NDRG4: variants seen among roughly 807,000 people sequenced by gnomAD.
NDRG4 encodes the protein NDRG family member 4, also known as protein NDRG4.
In NDRG4, 38 loss-of-function variants were observed where a neutral mutation model predicts 55.8. The ratio of observed to expected loss-of-function variants is 0.68; its 90% CI spans 0.53 to 0.89. NDRG4 has a LOEUF of 0.89. NDRG4 is among the 40% of genes least tolerant of loss of function. NDRG4 has a pLI of 0.00. For synonymous variants in NDRG4, 190 were observed against 182.7 expected, an observed-to-expected ratio of 1.04 and a Z score of -0.32; for missense variants, 455 against 468.6, an observed-to-expected ratio of 0.97 and a Z score of 0.27.
chr16:58,508,911 G>A, intron 10 of NDRG4, 51 bp from the exon 11 acceptor site: 1 of 1,601,114 alleles, frequency 6.2e-7, no homozygotes, highest in Admixed American at 1.7e-5. Context: ...CCTTGGCAAT[G>A]GGGGTGGGGA....
At chr16:58,496,422 GTTT>G (rs1394760491), upstream of NDRG4, among the ~76,000 whole-genome samples, 1 of 151,964 alleles carries the variant, frequency 6.6e-6, no homozygotes, top group Non-Finnish European at 1.5e-5. Flanking sequence ...CATTTTTTTC[GTTT>G]TTTGTTTTAG....
At position 58,513,222 on chromosome 16, in the gene NDRG4, G is replaced by A. The variant is rs2038988197; in HGVS notation, c.*1646G>A. Reference sequence around the variant, plus strand: ...TACATCGGGTCCTCCCATGTGTGGTGTTCTTCTGGAGGTTGTCTCTTTGGT... The same window carrying A: ...TACATCGGGTCCTCCCATGTGTGGTATTCTTCTGGAGGTTGTCTCTTTGGT... On this transcript the variant is annotated 3_prime_UTR_variant, in exon 15 of 15. Transcript: ENST00000570248. 6.6e-6 allele frequency: 1 copy of A among 151,534 alleles called. No individual in the cohort carries two copies. The highest frequency in any genetic ancestry group is 1.5e-5 in the Non-Finnish European group (1 of 67,982). 9.4% of individuals were successfully genotyped at this position (151,534 alleles called of 1,614,324 possible).
At position 58,464,463 on chromosome 16, in the gene NDRG4, C is replaced by A; in HGVS notation, c.-24+666C>A. On this transcript the variant is annotated intron_variant, in intron 1 of 15. Coordinates refer to the NDRG4 transcript ENST00000258187. The surrounding 1 kb of genome is among the most constrained non-coding windows in gnomAD (Gnocchi z 4.8). Reference sequence around the variant, plus strand: ...TGCTGGGACACCGGCTGGAGCTGCTCACAGGTACCGCCCGCCTGCCCCGCA... The same window carrying A: ...TGCTGGGACACCGGCTGGAGCTGCTAACAGGTACCGCCCGCCTGCCCCGCA... The A allele has an allele frequency of 7.5e-7, 1 of 1,334,864 alleles. No homozygotes were observed. The highest frequency in any genetic ancestry group is 9.6e-7 in the Non-Finnish European group (1 of 1,042,590). 82.7% of individuals were successfully genotyped at this position (1,334,864 alleles called of 1,614,324 possible).
At chr16:58,478,944 G>C (rs1223955110) in intron 1 of NDRG4, among the ~76,000 whole-genome samples, 1 of 151,928 alleles carries the variant, frequency 6.6e-6, no homozygotes, top group African/African-American at 2.4e-5. Flanking sequence ...CATTGTTACA[G>C]TTTACCCTGA....
chr16:58,487,692 C>T (rs1388306365), intron 1 of NDRG4: 2 of 1,331,452 alleles, frequency 1.5e-6, no homozygotes, highest in East Asian at 2.6e-5. Flanking sequence ...CCCCGACTTG[C>T]GCTGTCCTTC....
chr16:58,486,688 A>C (rs2035116339), intron 1 of NDRG4, among the ~76,000 whole-genome samples: 1 of 139,510 alleles, frequency 7.2e-6, no homozygotes, highest in African/African-American at 2.7e-5. Context: ...TCCTTCCCTC[A>C]CCACTGGCTC....
At chr16:58,469,205 G>A (rs986573417) in intron 1 of NDRG4, among the ~76,000 whole-genome samples, 1 of 152,192 alleles carries the variant, frequency 6.6e-6, no homozygotes, top group East Asian at 1.9e-4. Flanking sequence ...TGAGGCATAG[G>A]TTTGCCCTAG....
intron 8 of NDRG4, 67 bp downstream of exon 8, chr16:58,507,082 T>C: frequency 8.0e-7 from 1 of 1,247,496 alleles, no homozygotes; most frequent in South Asian, 1.3e-5. Context: ...CACTGCCCCC[T>C]GAGGGAGGCA....
intron 2 of NDRG4, among the ~76,000 whole-genome samples, chr16:58,491,923 A>C (rs1466828107): frequency 6.6e-6 from 1 of 152,168 alleles, no homozygotes; most frequent in Non-Finnish European, 1.5e-5. Flanking sequence ...CTGGGACTAC[A>C]GGCATGCACC....
At chr16:58,471,351 A>G (rs1391925136) in intron 1 of NDRG4, among the ~76,000 whole-genome samples, 1 of 151,978 alleles carries the variant, frequency 6.6e-6, no homozygotes, top group Non-Finnish European at 1.5e-5. Context: ...GTGTGTGCAG[A>G]TCACACTCAG....
At chr16:58,478,371 AATAT>A in intron 1 of NDRG4, among the ~76,000 whole-genome samples, 1 of 146,930 alleles carries the variant, frequency 6.8e-6, no homozygotes, top group South Asian at 2.3e-4. Context: ...CCTGGGCGAC[AATAT>A]GAGACTCCAT....
chr16:58,499,884 G>T (rs898529981), upstream of NDRG4: 8 of 414,298 alleles, frequency 1.9e-5, no homozygotes, highest in African/African-American at 1.6e-4. Flanking sequence ...AGCTGTTGGC[G>T]TGTGCCTATG....
intron 2 of NDRG4, among the ~76,000 whole-genome samples, chr16:58,493,773 A>G (rs756645865): frequency 6.6e-6 from 1 of 152,232 alleles, no homozygotes; most frequent in African/African-American, 2.4e-5. Context: ...AAGGCAAGGC[A>G]GAACCTGTGA....
intron 1 of NDRG4, among the ~76,000 whole-genome samples, chr16:58,478,892 C>T (rs2034069092): frequency 6.6e-6 from 1 of 151,864 alleles, no homozygotes; most frequent in Non-Finnish European, 1.5e-5. Context: ...AAGAATCTCC[C>T]TTTTATACCC....
At chr16:58,487,814 G>A in exon 2 of NDRG4, 1 of 1,543,844 alleles carries the variant, frequency 6.5e-7, no homozygotes, top group Non-Finnish European at 8.7e-7. Flanking sequence ...TCCCTGAGGA[G>A]AAGCCGCTGC....
intron 5 of NDRG4, among the ~76,000 whole-genome samples, chr16:58,505,713 CTTTTTTTTTTTT>C (rs1028370131): frequency 5.1e-5 from 3 of 58,660 alleles, no homozygotes; most frequent in Non-Finnish European, 6.2e-5. Context: ...GCTTCATTTT[CTTTTTTTTTTTT>C]TTTTTTTTTT....
downstream of NDRG4, among the ~76,000 whole-genome samples, chr16:58,514,525 TC>T (rs1290982906): frequency 6.6e-6 from 1 of 151,764 alleles, no homozygotes; most frequent in African/African-American, 2.4e-5. Context: ...TTGCCTGAGC[TC>T]AGGAGTTCGA....
intron 1 of NDRG4, among the ~76,000 whole-genome samples, chr16:58,484,162 G>C (rs921645535): frequency 5.9e-5 from 9 of 152,256 alleles, no homozygotes; most frequent in African/African-American, 1.9e-4. Context: ...CTGAGGTCAA[G>C]AGTTCAAGAC....
chr16:58,466,585 C>G (rs1313496629), intron 1 of NDRG4, among the ~76,000 whole-genome samples: 1 of 152,234 alleles, frequency 6.6e-6, no homozygotes, highest in Non-Finnish European at 1.5e-5. Flanking sequence ...TGAGGCCCCT[C>G]TCAGTTACTG....
Sources: allele counts gnomAD v4.1 joint callset (sites outside exome capture counted in the v4.1 genomes callset), GRCh38; gene constraint gnomAD v4.1.1; non-coding constraint Gnocchi (gnomAD v3.1); transcripts MANE v1.5; gene names NCBI Gene and HGNC (gene_info 2026-07-23, HGNC 2026-07-21).